Variants in NYAP2 observed in about 807,000 individuals in gnomAD.
NYAP2 encodes neuronal tyrosine-phosphorylated phosphoinositide-3-kinase adapter 2.
Under a neutral mutation model 50.4 loss-of-function variants are expected in NYAP2, and 23 were observed. The observed-to-expected ratio is 0.46, with a 90% CI of 0.33 to 0.65. The LOEUF is 0.65. Ranked by LOEUF, NYAP2 falls within the 30% of genes least tolerant of loss-of-function variation. NYAP2 has a pLI of 0.02. For missense variants in NYAP2, 885 were observed against 861.0 expected (o/e 1.03, Z -0.35); for synonymous variants, 394 against 365.2 (o/e 1.08, Z -0.90).
chr2:225,548,947 T>C (rs1472480686), intron 4 of NYAP2, among the ~76,000 whole-genome samples: 1 of 151,842 alleles, frequency 6.6e-6, no homozygotes, highest in African/African-American at 2.4e-5. Context: ...AATGGCATGA[T>C]CTCAGCTCAC....
chr2:225,412,255 CT>C (rs560637948), intron 3 of NYAP2, among the ~76,000 whole-genome samples: 2,358 of 59,054 alleles, frequency 0.04, 98 homozygotes, highest in African/African-American at 0.11. Context: ...CTGCGCCCGG[CT>C]TTTTTTTTTT....
At chr2:225,632,203 G>T (rs1693331119) in intron 6 of NYAP2, among the ~76,000 whole-genome samples, 1 of 152,206 alleles carries the variant, frequency 6.6e-6, no homozygotes, top group Non-Finnish European at 1.5e-5. Context: ...GGGAGTTTTA[G>T]ACTTTCTGTT....
At chr2:225,467,574 TA>T (rs1441750245) in intron 3 of NYAP2, among the ~76,000 whole-genome samples, 3 of 152,164 alleles carry the variant, frequency 2.0e-5, no homozygotes, top group Non-Finnish European at 4.4e-5. Context: ...CTTCCATTTT[TA>T]AAAAATACCT....
At chr2:225,631,224 A>G (rs1693308541) in intron 6 of NYAP2, among the ~76,000 whole-genome samples, 1 of 152,244 alleles carries the variant, frequency 6.6e-6, no homozygotes, top group Non-Finnish European at 1.5e-5. Flanking sequence ...ACACTTTGAT[A>G]TGAATATTCT....
chr2:225,557,339 G>A (rs1246058903), intron 4 of NYAP2, among the ~76,000 whole-genome samples: 3 of 152,172 alleles, frequency 2.0e-5, no homozygotes, highest in East Asian at 3.9e-4. Flanking sequence ...TCAAGCATTA[G>A]TTTACACCAT....
chr2:225,520,638 G>C (rs1691035886), intron 4 of NYAP2, among the ~76,000 whole-genome samples: 1 of 152,140 alleles, frequency 6.6e-6, no homozygotes, highest in Non-Finnish European at 1.5e-5. Context: ...CTATATTTCT[G>C]TTTTGGTACC....
chr2:225,492,375 A>G (rs1385834298), intron 3 of NYAP2, among the ~76,000 whole-genome samples: 1 of 152,230 alleles, frequency 6.6e-6, no homozygotes, highest in Non-Finnish European at 1.5e-5. Context: ...GGCCTGCTTC[A>G]CAACCAACTC....
chr2:225,483,828 C>T lies in NYAP2; in HGVS notation c.222-29543C>T, dbSNP rs532859060. The stretch of plus-strand genomic sequence containing the variant: ...ATTTCAGGCACGGAAAAATAACTCT[C>T]TTGAAAAGTGTCTTTTAAATTATTT... On this transcript the variant is annotated intron_variant, in intron 3 of 6. Transcript: ENST00000636099. 2.6e-5 allele frequency among the ~76,000 whole-genome samples: 4 copies of T among 152,264 alleles called. No homozygotes were observed. In the South Asian group the frequency reaches 8.3e-4, roughly 32 times the overall value.
At chr2:225,510,073 G>T (rs1690784274) in intron 3 of NYAP2, among the ~76,000 whole-genome samples, 1 of 152,176 alleles carries the variant, frequency 6.6e-6, no homozygotes, top group Non-Finnish European at 1.5e-5. Flanking sequence ...AGGAGAAAAA[G>T]TCCCAATGGG....
At chr2:225,512,852 TCTTCCTTCCTTCCTTCCTTCCTTCCTTC>T (rs762260450) in intron 3 of NYAP2, among the ~76,000 whole-genome samples, 2 of 123,574 alleles carry the variant, frequency 1.6e-5, no homozygotes, top group African/African-American at 3.3e-5. Flanking sequence ...TTTCTTTCTT[TCTTCCTTCCTTCCTTCCTTCCTTCCTTC>T]CTTCCTTCCT....
intron 4 of NYAP2, among the ~76,000 whole-genome samples, chr2:225,551,445 T>G (rs1691673324): frequency 6.6e-6 from 1 of 152,224 alleles, no homozygotes; most frequent in Non-Finnish European, 1.5e-5. Flanking sequence ...TCCAGTTGAA[T>G]GTAGTAGCAT....
intron 4 of NYAP2, among the ~76,000 whole-genome samples, chr2:225,538,172 AATC>A: frequency 6.6e-6 from 1 of 152,248 alleles, no homozygotes; most frequent in Admixed American, 6.5e-5. Context: ...GCTGTCAGTG[AATC>A]TACCATTCTG....
intron 4 of NYAP2, among the ~76,000 whole-genome samples, chr2:225,562,724 A>G (rs1691897132): frequency 6.6e-6 from 1 of 152,110 alleles, no homozygotes; most frequent in Non-Finnish European, 1.5e-5. Context: ...GAAACCCAGG[A>G]CACCACCCCA....
At chr2:225,405,631 TCTC>T (rs1046999872) in intron 2 of NYAP2, among the ~76,000 whole-genome samples, 7 of 152,108 alleles carry the variant, frequency 4.6e-5, no homozygotes, top group African/African-American at 1.7e-4. Context: ...AACATAAGGT[TCTC>T]TTTTCTCTAG....
At chr2:225,543,794 AT>A (rs1183810984) in intron 4 of NYAP2, among the ~76,000 whole-genome samples, 1 of 152,064 alleles carries the variant, frequency 6.6e-6, no homozygotes, top group African/African-American at 2.4e-5. Flanking sequence ...TATAGTTCAG[AT>A]TAAGTCCGAT....
chr2:225,647,263 A>T (rs908330286), intron 6 of NYAP2, among the ~76,000 whole-genome samples: 2 of 152,192 alleles, frequency 1.3e-5, no homozygotes, highest in Non-Finnish European at 2.9e-5. Context: ...GTTCTGATGG[A>T]TGCTTTGCTT....
chr2:225,484,680 C>T (rs1690260037), intron 3 of NYAP2, among the ~76,000 whole-genome samples: 1 of 152,198 alleles, frequency 6.6e-6, no homozygotes, highest in Non-Finnish European at 1.5e-5. Context: ...GGCTTAATGT[C>T]ATATTTTCTC....
intron 4 of NYAP2, among the ~76,000 whole-genome samples, chr2:225,517,676 T>G (rs1690960083): frequency 6.6e-6 from 1 of 152,178 alleles, no homozygotes; most frequent in South Asian, 2.1e-4. Context: ...TAGAGCTGAA[T>G]ACCTTATTGA....
intron 4 of NYAP2, among the ~76,000 whole-genome samples, chr2:225,516,762 C>T (rs899651900): frequency 1.3e-5 from 2 of 152,140 alleles, no homozygotes; most frequent in Non-Finnish European, 2.9e-5. Context: ...TATGAACTCT[C>T]AGTTCTTTAT....
Sources: allele counts gnomAD v4.1 joint callset (sites outside exome capture counted in the v4.1 genomes callset), GRCh38; gene constraint gnomAD v4.1.1; transcripts MANE v1.5; gene names NCBI Gene and HGNC (gene_info 2026-07-23, HGNC 2026-07-21).